The following CACNA2D3 variants were observed in gnomAD, a reference collection of about 807,000 sequenced individuals.
CACNA2D3 encodes voltage-dependent calcium channel subunit alpha-2/delta-3.
A neutral mutation model predicts 160.6 loss-of-function variants in CACNA2D3; 60 were observed. The observed-to-expected ratio is 0.37, with a 90% CI of 0.30 to 0.46. The LOEUF (loss-of-function observed/expected upper bound fraction) is 0.46, where lower values mean the gene tolerates loss of function less well. Ranked by LOEUF, CACNA2D3 falls within the 20% of genes least tolerant of loss-of-function variation. The pLI, the probability that CACNA2D3 is intolerant of heterozygous loss-of-function variation, is 1.00. For synonymous variants in CACNA2D3, 558 were observed against 492.9 expected, an observed-to-expected ratio of 1.13 and a Z score of -1.75; for missense variants, 1,205 against 1,365.0, an observed-to-expected ratio of 0.88 and a Z score of 1.85.
intron 5 of CACNA2D3, among the ~76,000 whole-genome samples, chr3:54,560,671 A>G (rs1456873908): frequency 6.6e-6 from 1 of 152,012 alleles, no homozygotes; most frequent in African/African-American, 2.4e-5. Flanking sequence ...CCTGAATGGT[A>G]TTGTCTAGGT....
intron 11 of CACNA2D3, among the ~76,000 whole-genome samples, chr3:54,686,817 T>C (rs901460069): frequency 6.6e-6 from 1 of 152,130 alleles, no homozygotes; most frequent in Non-Finnish European, 1.5e-5. Context: ...TAATGTGGAA[T>C]AGGAAATGAG....
At chr3:54,404,175 C>A (rs1699528276) in intron 4 of CACNA2D3, among the ~76,000 whole-genome samples, 1 of 152,118 alleles carries the variant, frequency 6.6e-6, no homozygotes. Flanking sequence ...ACCAAAGACA[C>A]CACGGTAAAG....
intron 2 of CACNA2D3, among the ~76,000 whole-genome samples, chr3:54,172,527 A>G (rs1700597080): frequency 1.3e-5 from 2 of 152,258 alleles, no homozygotes; most frequent in Non-Finnish European, 2.9e-5. Flanking sequence ...GTGCGGGCCT[A>G]GAACCCAATG....
At chr3:54,467,021 A>G (rs1211900445) in intron 4 of CACNA2D3, among the ~76,000 whole-genome samples, 1 of 152,224 alleles carries the variant, frequency 6.6e-6, no homozygotes, top group African/African-American at 2.4e-5. Flanking sequence ...ACTTTAAGTA[A>G]CTTTTAAACT....
chr3:54,441,569 T>A (rs920414424), intron 4 of CACNA2D3, among the ~76,000 whole-genome samples: 13 of 152,246 alleles, frequency 8.5e-5, no homozygotes, highest in Admixed American at 5.2e-4. Flanking sequence ...CCCATGCCTA[T>A]GTCCTGAATG....
intron 17 of CACNA2D3, among the ~76,000 whole-genome samples, chr3:54,854,010 C>T (rs900407298): frequency 1.3e-5 from 2 of 152,094 alleles, no homozygotes; most frequent in African/African-American, 2.4e-5. Context: ...AGGTGGCGCG[C>T]GGGCACCGCC....
At chr3:54,681,544 G>A (rs1700351088) in intron 11 of CACNA2D3, among the ~76,000 whole-genome samples, 1 of 144,984 alleles carries the variant, frequency 6.9e-6, no homozygotes, top group South Asian at 2.2e-4. Context: ...GCGACAGAGT[G>A]AGACTCCATC....
chr3:54,466,307 A>G (rs1308682660), intron 4 of CACNA2D3, among the ~76,000 whole-genome samples: 1 of 152,228 alleles, frequency 6.6e-6, no homozygotes, highest in Non-Finnish European at 1.5e-5. Context: ...AGAATTGGAA[A>G]AAAGTACTAA....
At chr3:54,756,898 G>T (rs1008108871) in intron 12 of CACNA2D3, among the ~76,000 whole-genome samples, 1 of 152,152 alleles carries the variant, frequency 6.6e-6, no homozygotes, top group Non-Finnish European at 1.5e-5. Context: ...GAGCTTGTGA[G>T]TTTATTTCAT....
At chr3:54,697,566 C>T (rs1700687511) in intron 11 of CACNA2D3, among the ~76,000 whole-genome samples, 1 of 152,182 alleles carries the variant, frequency 6.6e-6, no homozygotes, top group African/African-American at 2.4e-5. Flanking sequence ...CCTTTCTCCA[C>T]CTCTTTTCCT....
chr3:54,879,427 A>G lies in CACNA2D3; in HGVS notation c.1844+16A>G, dbSNP rs759772021. The G allele has an allele frequency of 6.4e-7, 1 of 1,552,186 alleles. No homozygotes were observed. The highest frequency in any genetic ancestry group is 1.1e-5 in the South Asian group (1 of 87,640). ...CTCCTTTCAGGTAGAGCTGACCATAATACATGGACATTCCATCAGACCCAT... is the reference window on the plus strand; with the variant it reads ...CTCCTTTCAGGTAGAGCTGACCATAGTACATGGACATTCCATCAGACCCAT... On this transcript the variant is annotated intron_variant, in intron 20 of 37. Coordinates refer to ENST00000474759, the MANE Select transcript of CACNA2D3 (RefSeq NM_018398.3).
At chr3:54,809,383 A>G (rs1575488077) in intron 13 of CACNA2D3, among the ~76,000 whole-genome samples, 1 of 125,436 alleles carries the variant, frequency 8.0e-6, no homozygotes, top group East Asian at 2.3e-4. Context: ...CAGTGGCGCA[A>G]TCTCGGCTCA....
rs759615370 is a variant in CACNA2D3 at position 54,909,643 on chromosome 3, A to ATT, written c.2449+9795_2449+9796dup. Among the ~76,000 whole-genome samples, 349 of 123,830 alleles carry ATT rather than the reference A, an allele frequency of 2.8e-3. 2 individuals carry two copies. The highest frequency in any genetic ancestry group is 8.4e-3 in the South Asian group (32 of 3,812). The allele number at this position is 123,830 out of a possible 152,430, so 81.2% of individuals were successfully genotyped here. Reference sequence around the variant, plus strand: ...AAAACATTATGAGATTTTTTTTGTGATTTTTTTTTTTTTTTTTTTTTAGCT... The same window carrying ATT: ...AAAACATTATGAGATTTTTTTTGTGATTTTTTTTTTTTTTTTTTTTTTTAGCT... On this transcript the variant is annotated intron_variant, in intron 27 of 37. Transcript: ENST00000474759.
chr3:54,397,658 T>A (rs1259764267), intron 4 of CACNA2D3, among the ~76,000 whole-genome samples: 1 of 73,826 alleles, frequency 1.4e-5, no homozygotes, highest in African/African-American at 5.5e-5. Context: ...GAGTTCTAGT[T>A]TGATTGCACT....
chr3:54,126,328 A>G (rs1425303275), intron 2 of CACNA2D3, among the ~76,000 whole-genome samples: 1 of 152,226 alleles, frequency 6.6e-6, no homozygotes, highest in Non-Finnish European at 1.5e-5. Flanking sequence ...TTTTGGTAAC[A>G]TGTTTTTATT....
intron 2 of CACNA2D3, among the ~76,000 whole-genome samples, chr3:54,125,579 C>A (rs1201943601): frequency 6.6e-6 from 1 of 152,132 alleles, no homozygotes; most frequent in East Asian, 1.9e-4. Flanking sequence ...ATCGTCTGCT[C>A]TGGGGGTCCT....
At chr3:54,509,904 G>C (rs1701432833) in intron 5 of CACNA2D3, among the ~76,000 whole-genome samples, 1 of 152,168 alleles carries the variant, frequency 6.6e-6, no homozygotes, top group Admixed American at 6.5e-5. Context: ...TGTGTATGTG[G>C]CACAATAGGT....
chr3:54,337,151 G>A (rs1361650577), intron 3 of CACNA2D3, among the ~76,000 whole-genome samples: 1 of 144,560 alleles, frequency 6.9e-6, no homozygotes, highest in African/African-American at 2.9e-5. Flanking sequence ...GGTGATGGTG[G>A]TATGCTGATG....
intron 17 of CACNA2D3, among the ~76,000 whole-genome samples, chr3:54,866,324 G>A (rs1194629114): frequency 2.6e-5 from 4 of 152,302 alleles, no homozygotes; most frequent in Non-Finnish European, 5.9e-5. Flanking sequence ...CCCTTCTCCT[G>A]AAATGGTCCC....
Sources: gnomAD v4.1 joint callset for allele counts (sites outside exome capture counted in the v4.1 genomes callset) on GRCh38, gnomAD v4.1.1 for gene constraint, MANE v1.5 for transcripts, NCBI Gene and HGNC (gene_info 2026-07-23, HGNC 2026-07-21) for gene names.